Variants in APP observed in about 807,000 individuals in gnomAD.
The protein encoded by APP is amyloid beta precursor protein.
APP carries 31 observed loss-of-function variants against 101.4 expected under a neutral mutation model. The observed-to-expected ratio is 0.31, with a 90% CI of 0.23 to 0.41. APP has a LOEUF of 0.41. Ranked by LOEUF, APP falls within the 10% of genes least tolerant of loss-of-function variation. The pLI, the probability that APP is intolerant of heterozygous loss-of-function variation, is 1.00. For missense variants in APP, 839 were observed against 1,003.7 expected (o/e 0.84, Z 2.22); for synonymous variants, 366 against 364.4 (o/e 1.00, Z -0.05).
chr21:25,912,565 A>G (rs527509596), intron 13 of APP, among the ~76,000 whole-genome samples: 1 of 152,306 alleles, frequency 6.6e-6, no homozygotes, highest in African/African-American at 2.4e-5. Flanking sequence ...GGCAACAAGG[A>G]AACTGTTCCC....
At chr21:25,930,382 A>AT (rs1447773165) in intron 13 of APP, among the ~76,000 whole-genome samples, 1 of 152,198 alleles carries the variant, frequency 6.6e-6, no homozygotes, top group African/African-American at 2.4e-5. Flanking sequence ...AAGAAAGTGC[A>AT]TTCTAATTGA....
chr21:26,100,419 G>T (rs914543905), intron 2 of APP, among the ~76,000 whole-genome samples: 1 of 152,178 alleles, frequency 6.6e-6, no homozygotes, highest in Non-Finnish European at 1.5e-5. Context: ...GCCTACAAGG[G>T]TGAAGGGTGC....
chr21:26,003,943 A>G (rs959238320), intron 6 of APP, among the ~76,000 whole-genome samples: 6 of 152,190 alleles, frequency 3.9e-5, no homozygotes, highest in Non-Finnish European at 5.9e-5. Flanking sequence ...ACTCTACTAC[A>G]GGGAAAGGGA....
chr21:25,926,434 C>T (rs1200866021), intron 13 of APP, among the ~76,000 whole-genome samples: 1 of 152,154 alleles, frequency 6.6e-6, no homozygotes, highest in African/African-American at 2.4e-5. Context: ...TCTGCGATGC[C>T]AAAGCCATAC....
At chr21:26,123,986 CTT>C (rs538314872) in intron 1 of APP, among the ~76,000 whole-genome samples, 16 of 143,484 alleles carry the variant, frequency 1.1e-4, no homozygotes, top group South Asian at 2.2e-4. Flanking sequence ...GATTCCTAAT[CTT>C]TTTTTTTTTT....
At position 25,954,602 on chromosome 21, in the gene APP, G is replaced by C; in HGVS notation, c.1675C>G (p.Gln559Glu). The change falls in exon 13 of 18, where the codon CAG becomes GAG. Residue 559 changes from glutamine (Q) to glutamate (E), a missense_variant. Physicochemically the swap from Gln to Glu is conservative, Grantham distance 29. Coordinates refer to ENST00000346798, the MANE Select transcript of APP (RefSeq NM_000484.4). Reference sequence around the variant, plus strand: ...ACAGCTTACTTACCAACTTCATCCTGAATCTCCTCGGCCACTGCAGGCACG... The same window carrying C: ...ACAGCTTACTTACCAACTTCATCCTCAATCTCCTCGGCCACTGCAGGCACG... Reference protein sequence around the residue: ...YNVPAVAEEIQDEVDELLQKE... With the variant: ...YNVPAVAEEIEDEVDELLQKE... 6.2e-7 allele frequency: 1 copy of C among 1,613,506 alleles called. No individual in the cohort carries two copies. The highest frequency in any genetic ancestry group is 8.5e-7 in the Non-Finnish European group (1 of 1,179,554).
Position 26,125,477 on chromosome 21 carries a change from C to T in APP, c.58-13331G>A, listed in dbSNP as rs573848300. ...TAAAGGTACTGCACAGCCAAGACTA[C>T]GGTCTGACTGGAAGCACCAGGAGTA... On this transcript the variant is annotated intron_variant, in intron 1 of 17. Coordinates refer to ENST00000346798, the MANE Select transcript of APP (RefSeq NM_000484.4). 9.2e-4 allele frequency among the ~76,000 whole-genome samples: 140 copies of T among 152,250 alleles called. 1 individual carries two copies. The highest frequency in any genetic ancestry group is 3.1e-3 in the African/African-American group (128 of 41,528).
intron 8 of APP, among the ~76,000 whole-genome samples, chr21:25,989,737 C>T (rs924536928): frequency 7.9e-5 from 12 of 152,056 alleles, no homozygotes; most frequent in Admixed American, 1.3e-4. Context: ...ATTGAAAATG[C>T]TATTTGATAC....
intron 8 of APP, among the ~76,000 whole-genome samples, chr21:25,991,598 G>C (rs943101156): frequency 6.6e-6 from 1 of 152,140 alleles, no homozygotes; most frequent in East Asian, 1.9e-4. Context: ...GGCTGGTCTC[G>C]AATTCCTGAC....
At chr21:26,033,320 G>C (rs886829620) in intron 5 of APP, among the ~76,000 whole-genome samples, 1 of 152,144 alleles carries the variant, frequency 6.6e-6, no homozygotes, top group East Asian at 1.9e-4. Context: ...TCTGCTCCTC[G>C]CTCTTCTCTT....
chr21:25,980,224 T>G (rs1382638788), intron 9 of APP, among the ~76,000 whole-genome samples: 1 of 152,186 alleles, frequency 6.6e-6, no homozygotes, highest in Non-Finnish European at 1.5e-5. Flanking sequence ...GGTACAGTGG[T>G]AGGCGCTGAA....
intron 3 of APP, among the ~76,000 whole-genome samples, chr21:26,069,770 C>A (rs1192767854): frequency 2.0e-5 from 3 of 152,162 alleles, no homozygotes; most frequent in African/African-American, 4.8e-5. Context: ...ATATTTCAGG[C>A]ATTTTCCAAA....
chr21:25,962,050 G>T (rs940783899), intron 11 of APP, among the ~76,000 whole-genome samples: 2 of 151,966 alleles, frequency 1.3e-5, no homozygotes, highest in Admixed American at 1.3e-4. Flanking sequence ...TAAAATATAT[G>T]GCAAAGAACA....
At chr21:25,890,459 G>T (rs906571261) in intron 17 of APP, among the ~76,000 whole-genome samples, 1 of 152,142 alleles carries the variant, frequency 6.6e-6, no homozygotes, top group Non-Finnish European at 1.5e-5. Flanking sequence ...AAGCAATGGG[G>T]GCCAGACGCG....
chr21:25,937,673 T>A (rs1405965086), intron 13 of APP: 4 of 152,220 alleles, frequency 2.6e-5, no homozygotes, highest in Non-Finnish European at 5.9e-5. Context: ...AGAAGTAGGT[T>A]CACAATTTCT....
chr21:26,079,857 C>T (rs1441731769), intron 3 of APP, among the ~76,000 whole-genome samples: 2 of 152,218 alleles, frequency 1.3e-5, no homozygotes, highest in Non-Finnish European at 2.9e-5. Context: ...GGAATGGTGG[C>T]TCACGCCTGT....
At chr21:26,007,714 T>G (rs1407047262) in intron 6 of APP, among the ~76,000 whole-genome samples, 1 of 151,946 alleles carries the variant, frequency 6.6e-6, no homozygotes. Flanking sequence ...ATGAAAAAAT[T>G]TTAAAAGCCA....
intron 1 of APP, among the ~76,000 whole-genome samples, chr21:26,153,975 A>G (rs945964581): frequency 6.6e-6 from 1 of 152,220 alleles, no homozygotes; most frequent in Non-Finnish European, 1.5e-5. Flanking sequence ...TGTAAAGCAA[A>G]TATTTCACAA....
chr21:26,152,292 A>AC (rs2063293176), intron 1 of APP, among the ~76,000 whole-genome samples: 1 of 148,872 alleles, frequency 6.7e-6, no homozygotes, highest in Non-Finnish European at 1.5e-5. Context: ...CTCAAAAAAA[A>AC]AAAAAAAAAA....
Sources: gnomAD v4.1 joint callset for allele counts (sites outside exome capture counted in the v4.1 genomes callset) on GRCh38, gnomAD v4.1.1 for gene constraint, MANE v1.5 for transcripts, NCBI Gene and HGNC (gene_info 2026-07-23, HGNC 2026-07-21) for gene names.